Variants in KLKB1 observed in about 807,000 individuals in gnomAD.
The protein encoded by KLKB1 is kallikrein B1.
Under a neutral mutation model 73.6 loss-of-function variants are expected in KLKB1, and 58 were observed. The observed-to-expected ratio is 0.79, with a 90% confidence interval of 0.64 to 0.98. KLKB1 has a LOEUF of 0.98. Ranked by LOEUF, KLKB1 falls within the 50% of genes least tolerant of loss-of-function variation. The pLI is 0.00. For missense variants in KLKB1, 737 were observed against 763.8 expected, an observed-to-expected ratio of 0.96 and a Z score of 0.41; for synonymous variants, 280 against 258.1, an observed-to-expected ratio of 1.08 and a Z score of -0.81.
chr4:186,241,473 A>T (rs1362231525), intron 6 of KLKB1, among the ~76,000 whole-genome samples: 1 of 152,130 alleles, frequency 6.6e-6, no homozygotes, highest in Non-Finnish European at 1.5e-5. Context: ...CTCTCAACAC[A>T]TATGAATTCA....
intron 11 of KLKB1, 103 bp downstream of exon 11, chr4:186,252,288 G>A (rs1214929908): frequency 3.3e-5 from 42 of 1,254,664 alleles, no homozygotes; most frequent in Middle Eastern, 5.2e-4. Context: ...GAATAGAGAC[G>A]TGTTAAAGCG....
chr4:186,214,488 A>G (rs531575363), intron 2 of KLKB1, among the ~76,000 whole-genome samples: 2 of 152,304 alleles, frequency 1.3e-5, no homozygotes, highest in Admixed American at 6.5e-5. Context: ...AATTCTCTGT[A>G]TTGGATCATC....
chr4:186,246,697 A>T (rs1435458327), intron 6 of KLKB1, among the ~76,000 whole-genome samples: 1 of 152,034 alleles, frequency 6.6e-6, no homozygotes, highest in African/African-American at 2.4e-5. Flanking sequence ...GCCCAGAGAA[A>T]AGAGAGGGTA....
chr4:186,215,638 A>G (rs1046663350), intron 2 of KLKB1, among the ~76,000 whole-genome samples: 3 of 152,086 alleles, frequency 2.0e-5, no homozygotes, highest in South Asian at 2.1e-4. Flanking sequence ...CAGTGGCGCA[A>G]TTGTGGCTCA....
chr4:186,257,072 G>T (rs1739040161), intron 13 of KLKB1, among the ~76,000 whole-genome samples, 154 bp from the exon 14 acceptor site: 1 of 151,540 alleles, frequency 6.6e-6, no homozygotes, highest in Admixed American at 6.6e-5. Context: ...CAAAGATAAG[G>T]TCCTTATGAA....
intron 6 of KLKB1, among the ~76,000 whole-genome samples, chr4:186,245,830 T>TTTTTTTTTTTTA (rs1738314922): frequency 7.5e-6 from 1 of 134,070 alleles, no homozygotes; most frequent in Non-Finnish European, 1.7e-5. Flanking sequence ...TTTGGTTTTT[T>TTTTTTTTTTTTA]TTTTTTAATG....
At chr4:186,226,746 A>G (rs984445182), upstream of KLKB1, among the ~76,000 whole-genome samples, 2 of 152,188 alleles carry the variant, frequency 1.3e-5, no homozygotes, top group African/African-American at 4.8e-5. Flanking sequence ...CACATGGCCC[A>G]GCATGGAGCC....
intron 6 of KLKB1, among the ~76,000 whole-genome samples, chr4:186,247,823 T>G (rs186466974): frequency 6.6e-6 from 1 of 152,376 alleles, no homozygotes; most frequent in East Asian, 1.9e-4. Flanking sequence ...TTAAAATTTT[T>G]GATATCTAAT....
intron 11 of KLKB1, among the ~76,000 whole-genome samples, chr4:186,254,273 C>G (rs1196866635): frequency 6.6e-6 from 1 of 152,210 alleles, no homozygotes; most frequent in Admixed American, 6.5e-5. Context: ...CTTAATTTTT[C>G]CATGATAAAC....
Position 186,251,624 on chromosome 4 carries a change from C to A in KLKB1, c.1006C>A (p.Leu336Ile). The change falls in exon 9 of 15, where the codon CTC becomes ATC. Residue 336 changes from leucine (L) to isoleucine (I), a missense_variant. Leu to Ile is a conservative substitution (Grantham distance 5). Transcript: ENST00000264690. ...IRCQFFTYSL[L>I]PEDCKEEKCK... ...CTGTCAGTTTTTCACTTATTCTTTA[C>A]TCCCAGAAGACTGTAAGGAAGAGAA... 6.2e-7 allele frequency: 1 copy of A among 1,614,072 alleles called. No homozygotes were observed. The highest frequency in any genetic ancestry group is 8.5e-7 in the Non-Finnish European group (1 of 1,179,978).
chr4:186,250,580 T>C (rs1409767032), intron 7 of KLKB1, 178 bp downstream of exon 7: 1 of 719,840 alleles, frequency 1.4e-6, no homozygotes, highest in Non-Finnish European at 2.5e-6. Context: ...GTTAAGAGAT[T>C]AGCAGACTTC....
In KLKB1 at chr4:186,254,689, A is replaced by G. The variant is rs1738888558; in HGVS notation, c.1415A>G (p.His472Arg). 6.2e-7 allele frequency: 1 copy of G among 1,613,844 alleles called. No homozygotes were observed. Among genetic ancestry groups the G allele is most frequent in the Non-Finnish European group, 8.5e-7 (1 of 1,179,740 alleles). Residue 472 changes from histidine (H) to arginine (R), a missense_variant, in exon 12 of 15, where the codon CAC becomes CGC. Physicochemically the swap from His to Arg is conservative, Grantham distance 29. Transcript: ENST00000264690. ...TCACAAATAAAAGAGATTATTATTC[A>G]CCAAAACTATAAAGTCTCAGAAGGG... is the stretch of plus-strand genomic sequence containing the variant. ...PFSQIKEIII[H>R]QNYKVSEGNH... is the part of the protein sequence containing the mutation.
At chr4:186,227,252 C>A (rs139122080), upstream of KLKB1, 5 of 152,270 alleles carry the variant, frequency 3.3e-5, no homozygotes, top group African/African-American at 1.2e-4. Context: ...TCACCTGATT[C>A]CTTAGCTCTA....
chr4:186,247,904 C>T (rs1738439611), intron 6 of KLKB1, among the ~76,000 whole-genome samples: 1 of 152,172 alleles, frequency 6.6e-6, no homozygotes, highest in Admixed American at 6.5e-5. Flanking sequence ...CCTGATTGCA[C>T]AACGATCACC....
chr4:186,219,912 G>A (rs1031114270), intron 2 of KLKB1, among the ~76,000 whole-genome samples: 5 of 152,020 alleles, frequency 3.3e-5, no homozygotes, highest in Non-Finnish European at 7.4e-5. Context: ...TGGAGTAATA[G>A]ACTAACTTCA....
Position 186,257,293 on chromosome 4 carries a change from A to T in KLKB1, c.1653A>T (p.Arg551Ser). ...TAACAAATGAAGAATGCCAGAAAAG[A>T]TATCAAGATTATAAAATAACCCAAC... Reference protein sequence around the residue: ...PLVTNEECQKRYQDYKITQRM... With the variant: ...PLVTNEECQKSYQDYKITQRM... The change falls in exon 14 of 15, where the codon AGA becomes AGT. Residue 551 changes from arginine (R) to serine (S), a missense_variant. By Grantham distance (110) the Arg-to-Ser change is moderately radical (BLOSUM62 -1). Coordinates refer to ENST00000264690, the MANE Select transcript of KLKB1 (RefSeq NM_000892.5). The T allele has an allele frequency of 6.2e-7, 1 of 1,603,642 alleles. No homozygotes were observed. The highest frequency in any genetic ancestry group is 1.1e-5 in the South Asian group (1 of 89,644).
At chr4:186,252,307 A>G (rs1738725883) in intron 11 of KLKB1, 122 bp downstream of exon 11, 1 of 1,065,322 alleles carries the variant, frequency 9.4e-7, no homozygotes, top group Admixed American at 1.9e-5. Context: ...CGGGGATGGT[A>G]TTCACAACAT....
intron 6 of KLKB1, among the ~76,000 whole-genome samples, chr4:186,249,103 C>G (rs1346865284): frequency 1.3e-5 from 2 of 152,148 alleles, no homozygotes; most frequent in African/African-American, 2.4e-5. Context: ...CAAAAATTTT[C>G]TGTGCATCTG....
intron 14 of KLKB1, among the ~76,000 whole-genome samples, chr4:186,257,628 G>A (rs559308460): frequency 9.9e-6 from 1 of 101,372 alleles, no homozygotes; most frequent in African/African-American, 4.0e-5. Context: ...AAAAACATTA[G>A]ACTTCATCAT....
Sources: allele counts gnomAD v4.1 joint callset (sites outside exome capture counted in the v4.1 genomes callset), GRCh38; gene constraint gnomAD v4.1.1; transcripts MANE v1.5; gene names NCBI Gene and HGNC (gene_info 2026-07-23, HGNC 2026-07-21).